E2F3: variants seen among roughly 807,000 people sequenced by gnomAD.
E2F3 encodes the protein transcription factor E2F3.
In E2F3, 11 loss-of-function variants were observed where a neutral mutation model predicts 44.4. The ratio of observed to expected loss-of-function variants is 0.25; its 90% CI spans 0.16 to 0.41. The LOEUF (loss-of-function observed/expected upper bound fraction) is 0.41. E2F3 is among the 10% of genes least tolerant of loss of function. E2F3 has a pLI of 1.00. For missense variants in E2F3, 487 were observed against 583.6 expected (o/e 0.83, Z 1.70); for synonymous variants, 249 against 253.0 (o/e 0.98, Z 0.15).
intron 1 of E2F3, among the ~76,000 whole-genome samples, chr6:20,453,029 C>G (rs1316171767): frequency 6.6e-6 from 1 of 151,880 alleles, no homozygotes; most frequent in Non-Finnish European, 1.5e-5. Context: ...GTTTTGCAAA[C>G]TGTACTTAAT....
At chr6:20,414,290 A>G (rs1384035388) in intron 1 of E2F3, among the ~76,000 whole-genome samples, 1 of 152,182 alleles carries the variant, frequency 6.6e-6, no homozygotes, top group African/African-American at 2.4e-5. Context: ...ACGAGCCATC[A>G]GATGTTATTT....
At chr6:20,403,786 C>T (rs1759394567) in intron 1 of E2F3, 1 of 1,497,948 alleles carries the variant, frequency 6.7e-7, no homozygotes, top group South Asian at 1.2e-5. Context: ...GGCCCCCCAC[C>T]TCCCCCCGGA....
At chr6:20,469,314 G>A (rs751397558) in intron 1 of E2F3, among the ~76,000 whole-genome samples, 1 of 152,162 alleles carries the variant, frequency 6.6e-6, no homozygotes, top group Non-Finnish European at 1.5e-5. Context: ...AAGGATGTCA[G>A]TACATTAGAA....
At chr6:20,405,875 A>C (rs1161948895) in intron 1 of E2F3, among the ~76,000 whole-genome samples, 1 of 152,184 alleles carries the variant, frequency 6.6e-6, no homozygotes, top group Non-Finnish European at 1.5e-5. Flanking sequence ...TAGTCAATGC[A>C]TACAAAGTCT....
intron 1 of E2F3, among the ~76,000 whole-genome samples, chr6:20,406,343 A>T (rs1465673913): frequency 6.6e-6 from 1 of 152,238 alleles, no homozygotes; most frequent in Non-Finnish European, 1.5e-5. Flanking sequence ...AGAGTTAAAT[A>T]TGATAATGCA....
chr6:20,472,469 T>G (rs1761925148), intron 1 of E2F3, among the ~76,000 whole-genome samples: 1 of 151,972 alleles, frequency 6.6e-6, no homozygotes, highest in African/African-American at 2.4e-5. Flanking sequence ...GGAGGGTCAT[T>G]TGAGCATAGG....
intron 1 of E2F3, among the ~76,000 whole-genome samples, chr6:20,435,362 T>C (rs1409614449): frequency 6.6e-6 from 1 of 152,220 alleles, no homozygotes; most frequent in Non-Finnish European, 1.5e-5. Context: ...TTTGATTTGC[T>C]AGTGAGACCA....
chr6:20,439,406 GTTTC>G (rs765370729), intron 1 of E2F3, among the ~76,000 whole-genome samples: 5 of 152,190 alleles, frequency 3.3e-5, no homozygotes, highest in Non-Finnish European at 7.4e-5. Flanking sequence ...CGTTTTGTTT[GTTTC>G]TTTATTTTAT....
intron 1 of E2F3, among the ~76,000 whole-genome samples, chr6:20,446,197 C>A (rs1344040028): frequency 6.6e-6 from 1 of 152,086 alleles, no homozygotes; most frequent in East Asian, 1.9e-4. Context: ...TATTCAAGGA[C>A]CTGCTGTAGT....
At chr6:20,482,975 GA>G in intron 4 of E2F3, 55 bp downstream of exon 4, 2 of 1,609,130 alleles carry the variant, frequency 1.2e-6, no homozygotes, top group South Asian at 1.1e-5. Context: ...ACTATTTCCA[GA>G]GTTGACAATC....
At chr6:20,456,265 C>G (rs1761305966) in intron 1 of E2F3, among the ~76,000 whole-genome samples, 1 of 151,278 alleles carries the variant, frequency 6.6e-6, no homozygotes, top group Non-Finnish European at 1.5e-5. Flanking sequence ...GAAACCGAGA[C>G]CCAGGGAACT....
chr6:20,490,453 TTAAAAA>T lies in E2F3; in HGVS notation c.*24_*29del. On this transcript the variant is annotated 3_prime_UTR_variant, in exon 7 of 7. Coordinates refer to ENST00000346618, the MANE Select transcript of E2F3 (RefSeq NM_001949.5). The surrounding 1 kb of genome is among the most constrained non-coding windows in gnomAD (Gnocchi z 4.3). Reference sequence around the variant, plus strand: ...TGATTATGCTTCGTGTGAACTCTCCTTAAAAACCGATATTTTTTTATCATGGAACCA... The same window carrying T: ...TGATTATGCTTCGTGTGAACTCTCCTCCGATATTTTTTTATCATGGAACCA... 1.3e-6 allele frequency: 2 copies of T among 1,523,710 alleles called. No individual in the cohort carries two copies. The highest frequency in any genetic ancestry group is 1.8e-6 in the Non-Finnish European group (2 of 1,135,964). The allele number at this position is 1,523,710 out of a possible 1,614,324, so 94.4% of individuals were successfully genotyped here.
chr6:20,415,991 A>G (rs1041658652), intron 1 of E2F3, among the ~76,000 whole-genome samples: 1 of 152,142 alleles, frequency 6.6e-6, no homozygotes, highest in Non-Finnish European at 1.5e-5. Context: ...TCATAGTTAG[A>G]TGATTTGGTC....
chr6:20,481,366 C>T lies in E2F3; in HGVS notation c.666C>T (p.Thr222=). The change falls in exon 3 of 7, where the codon ACC becomes ACT. Residue 222 remains threonine, a synonymous_variant. Transcript: ENST00000346618. ...AAAAGAGAAGGATTTATGATATCAC[C>T]AACGTTCTGGAAGGCATCCACCTCA... is the stretch of plus-strand genomic sequence containing the variant. The part of the protein sequence containing the change: ...KVQKRRIYDI[T]NVLEGIHLIK... 6.2e-7 allele frequency: 1 copy of T among 1,614,030 alleles called. No homozygotes were observed.
chr6:20,480,597 C>T (rs1201427338), intron 2 of E2F3, among the ~76,000 whole-genome samples: 1 of 152,152 alleles, frequency 6.6e-6, no homozygotes, highest in Non-Finnish European at 1.5e-5. Context: ...ACCTGTGCAC[C>T]TATGGGGGAA....
rs35480715 is a variant in E2F3 at position 20,463,349 on chromosome 6, G to A, written c.394-16497G>A. Among the ~76,000 whole-genome samples, 1,132 of 152,262 alleles carry A rather than the reference G, an allele frequency of 7.4e-3. 18 individuals carry two copies. The highest frequency in any genetic ancestry group is 0.025 in the African/African-American group (1,051 of 41,534). On this transcript the variant is annotated intron_variant, in intron 1 of 6. Transcript: ENST00000346618. ...GGATAGCTTGAAGCCAGGAGTTCGA[G>A]ACCAGCCTGGGCAACATAGTGAAGT...
chr6:20,411,986 C>T (rs1046113806), intron 1 of E2F3, among the ~76,000 whole-genome samples: 3 of 152,210 alleles, frequency 2.0e-5, no homozygotes, highest in African/African-American at 7.2e-5. Flanking sequence ...TTTCATTAGA[C>T]ACCTTCCATG....
Position 20,490,186 on chromosome 6 carries a change from C to T in E2F3, c.1154C>T (p.Ser385Leu). The T allele has an allele frequency of 6.2e-7, 1 of 1,611,412 alleles. No homozygotes were observed. Among genetic ancestry groups the T allele is most frequent in the Non-Finnish European group, 8.5e-7 (1 of 1,178,978 alleles). Residue 385 changes from serine (S) to leucine (L), a missense_variant, in exon 7 of 7, where the codon TCA becomes TTA. Physicochemically the swap from Ser to Leu is moderately radical, Grantham distance 145. Coordinates refer to ENST00000346618, the MANE Select transcript of E2F3 (RefSeq NM_001949.5). This position sits in a 1 kb window ranked among gnomAD's most constrained non-coding sequence, Gnocchi z 4.3. The part of the protein sequence containing the change: ...PASKDLASTN[S>L]GHSDCSVSMG... ...TTTTCAGACTTGGCTTCAACCAACTCAGGACATAGCGATTGCTCAGTTTCT... is the reference window on the plus strand; with the variant it reads ...TTTTCAGACTTGGCTTCAACCAACTTAGGACATAGCGATTGCTCAGTTTCT...
In E2F3 at chr6:20,490,752, G is replaced by C. The variant is rs1376307995; in HGVS notation, c.*322G>C. On this transcript the variant is annotated 3_prime_UTR_variant, in exon 7 of 7. Transcript: ENST00000346618. This position sits in a 1 kb window ranked among gnomAD's most constrained non-coding sequence, Gnocchi z 4.3. Reference sequence around the variant, plus strand: ...AATTGTCCTTCCTCCTTCCTCCCCGGATTGGCTTGCTGTGCCTGACGGATG... The same window carrying C: ...AATTGTCCTTCCTCCTTCCTCCCCGCATTGGCTTGCTGTGCCTGACGGATG... 3.9e-6 allele frequency: 1 copy of C among 253,410 alleles called. No individual in the cohort carries two copies. Among genetic ancestry groups the C allele is most frequent in the Non-Finnish European group, 7.6e-6 (1 of 132,332 alleles). The allele number at this position is 253,410 out of a possible 1,614,324, so 15.7% of individuals were successfully genotyped here. A position where few individuals can be genotyped will look rare whatever the true frequency, so the allele number is the denominator to read the frequency against.
Sources: gnomAD v4.1 joint callset for allele counts (sites outside exome capture counted in the v4.1 genomes callset) on GRCh38, gnomAD v4.1.1 for gene constraint, Gnocchi (gnomAD v3.1) non-coding constraint, MANE v1.5 for transcripts, NCBI Gene and HGNC (gene_info 2026-07-23, HGNC 2026-07-21) for gene names.